The following ANXA8 variants were observed in gnomAD, a reference collection of about 807,000 sequenced individuals.
ANXA8 encodes annexin A8.
Under a neutral mutation model 26.8 loss-of-function variants are expected in ANXA8, and 9 were observed. The ratio of observed to expected loss-of-function variants is 0.34; its 90% confidence interval spans 0.20 to 0.59. ANXA8 has a LOEUF of 0.59. Among genes scored for constraint, ANXA8 ranks in the 20% least tolerant of loss-of-function variants. The pLI, the probability that ANXA8 is intolerant of heterozygous loss-of-function variation, is 0.84. For missense variants in ANXA8, 83 were observed against 238.5 expected (o/e 0.35, Z 4.29); for synonymous variants, 39 against 94.8 (o/e 0.41, Z 3.42).
the ANXA8 span, among the ~76,000 whole-genome samples, chr10:47,731,175 A>G: frequency 6.6e-6 from 1 of 152,302 alleles, no homozygotes; most frequent in African/African-American, 2.4e-5. Context: ...CTGAGTGTTA[A>G]TAGATTGTCA....
chr10:47,507,556 G>T, the ANXA8 span: 19 of 1,527,148 alleles, frequency 1.2e-5, 4 homozygotes, highest in Non-Finnish European at 1.5e-5. Flanking sequence ...ACCTTTGTGT[G>T]ATATGATGAG....
the ANXA8 span, among the ~76,000 whole-genome samples, chr10:47,894,879 C>G: frequency 6.6e-6 from 1 of 152,154 alleles, no homozygotes; most frequent in South Asian, 2.1e-4. Flanking sequence ...ATACCCTACA[C>G]AATACAACAC....
chr10:47,553,200 C>G, the ANXA8 span: 1 of 152,018 alleles, frequency 6.6e-6, no homozygotes, highest in African/African-American at 2.4e-5. Context: ...TCAACAGATT[C>G]GGCTCAGGTC....
chr10:47,527,949 C>T, the ANXA8 span, among the ~76,000 whole-genome samples: 30 of 149,022 alleles, frequency 2.0e-4, no homozygotes, highest in South Asian at 6.4e-4. Flanking sequence ...GCGTGCAATC[C>T]GGATCAGGGA....
At chr10:47,757,044 C>G in the ANXA8 span, among the ~76,000 whole-genome samples, 23 of 90,976 alleles carry the variant, frequency 2.5e-4, no homozygotes, top group African/African-American at 8.4e-4. Context: ...GCTTCCTGCA[C>G]CAGAACTGTC....
At chr10:47,768,172 A>T in the ANXA8 span, among the ~76,000 whole-genome samples, 4 of 150,056 alleles carry the variant, frequency 2.7e-5, no homozygotes, top group African/African-American at 9.9e-5. Context: ...TAGGGATGGG[A>T]TCTTTTCAGC....
At chr10:47,693,449 G>A in the ANXA8 span, among the ~76,000 whole-genome samples, 1 of 151,364 alleles carries the variant, frequency 6.6e-6, no homozygotes, top group African/African-American at 2.4e-5. Flanking sequence ...GCCACCGCGC[G>A]CGGCTAATTT....
the ANXA8 span, among the ~76,000 whole-genome samples, chr10:47,656,362 C>A: frequency 1.5e-4 from 23 of 150,726 alleles, no homozygotes; most frequent in African/African-American, 4.7e-4. Context: ...TGTGCCACTG[C>A]GCTCCAACCT....
At chr10:47,951,459 A>G in the ANXA8 span, among the ~76,000 whole-genome samples, 4 of 149,988 alleles carry the variant, frequency 2.7e-5, no homozygotes, top group Admixed American at 2.7e-4. Flanking sequence ...TAATCCTGAT[A>G]TCAAACTCAG....
At chr10:47,687,065 T>C in the ANXA8 span, among the ~76,000 whole-genome samples, 2 of 150,500 alleles carry the variant, frequency 1.3e-5, no homozygotes, top group African/African-American at 2.4e-5. Flanking sequence ...GATTGCACCA[T>C]TGCACTCCAG....
chr10:47,581,868 G>A, the ANXA8 span, among the ~76,000 whole-genome samples: 1 of 150,536 alleles, frequency 6.6e-6, no homozygotes, highest in Non-Finnish European at 1.5e-5. Flanking sequence ...GCCTCCCAAA[G>A]TGCTGGTATT....
At chr10:47,674,699 T>A in the ANXA8 span, among the ~76,000 whole-genome samples, 1 of 151,788 alleles carries the variant, frequency 6.6e-6, no homozygotes, top group Non-Finnish European at 1.5e-5. Flanking sequence ...CATGGAAGAT[T>A]TGTCTCTTCT....
intron 6 of ANXA8, 150 bp from the exon 7 acceptor site, chr10:47,475,154 G>C: frequency 1.5e-6 from 2 of 1,352,860 alleles, no homozygotes; most frequent in Non-Finnish European, 1.0e-6. Flanking sequence ...TTCAGCCCTT[G>C]GTTTCCTCAT....
the ANXA8 span, among the ~76,000 whole-genome samples, chr10:47,620,320 C>T: frequency 1.2e-5 from 1 of 82,636 alleles, no homozygotes; most frequent in Admixed American, 1.3e-4. Context: ...ACAGGTAGAA[C>T]TACGTGCCAC....
At chr10:47,603,844 TC>T in the ANXA8 span, among the ~76,000 whole-genome samples, 1 of 134,794 alleles carries the variant, frequency 7.4e-6, no homozygotes, top group Non-Finnish European at 1.5e-5. Context: ...CAGACATCTA[TC>T]ATATTCCTTT....
chr10:47,744,026 CG>C, the ANXA8 span, among the ~76,000 whole-genome samples: 1 of 143,382 alleles, frequency 7.0e-6, no homozygotes, highest in African/African-American at 2.6e-5. Context: ...GAGAGACGTG[CG>C]GGGGGTAGGG....
chr10:47,521,538 T>C, the ANXA8 span, among the ~76,000 whole-genome samples: 2 of 141,274 alleles, frequency 1.4e-5, no homozygotes, highest in Admixed American at 7.2e-5. Flanking sequence ...TCTAGAGTAA[T>C]GAAATCTCTG....
At chr10:47,699,800 C>G in the ANXA8 span, among the ~76,000 whole-genome samples, 1 of 151,478 alleles carries the variant, frequency 6.6e-6, no homozygotes. Flanking sequence ...CCACTGTACT[C>G]CAGCCTGGGC....
the ANXA8 span, among the ~76,000 whole-genome samples, chr10:47,591,548 A>T: frequency 7.2e-6 from 1 of 138,486 alleles, no homozygotes; most frequent in Non-Finnish European, 1.5e-5. Flanking sequence ...GGTTCACGAC[A>T]TTCTCCTGCC....
Sources: gnomAD v4.1 joint callset for allele counts (sites outside exome capture counted in the v4.1 genomes callset) on GRCh38, gnomAD v4.1.1 for gene constraint, MANE v1.5 for transcripts, NCBI Gene and HGNC (gene_info 2026-07-23, HGNC 2026-07-21) for gene names.